The following VWA5B1 variants were observed in gnomAD, a reference collection of about 807,000 sequenced individuals.
VWA5B1 encodes von Willebrand factor A domain-containing protein 5B1.
Under a neutral mutation model 118.2 loss-of-function variants are expected in VWA5B1, and 115 were observed. The observed-to-expected ratio is 0.97, with a 90% CI of 0.84 to 1.14. The LOEUF (loss-of-function observed/expected upper bound fraction) is 1.14. Among genes scored for constraint, VWA5B1 ranks in the 50% most tolerant of loss-of-function variants. The pLI, the probability that VWA5B1 is intolerant of heterozygous loss-of-function variation, is 0.00. For missense variants in VWA5B1, 1,596 were observed against 1,603.8 expected, an observed-to-expected ratio of 1.00 and a Z score of 0.08; for synonymous variants, 682 against 658.4, an observed-to-expected ratio of 1.04 and a Z score of -0.55.
At chr1:20,332,982 G>A (rs1440219106) in intron 12 of VWA5B1, 31 bp downstream of exon 12, 2 of 1,549,414 alleles carry the variant, frequency 1.3e-6, no homozygotes, top group Non-Finnish European at 1.7e-6. Context: ...ACGGGTCCGT[G>A]TGGGCCCAGA....
chr1:20,301,016 C>G (rs1029300445), intron 1 of VWA5B1, among the ~76,000 whole-genome samples: 1 of 152,248 alleles, frequency 6.6e-6, no homozygotes, highest in Non-Finnish European at 1.5e-5. Context: ...CACAAAGCCT[C>G]TCTGTGGAGG....
intron 8 of VWA5B1, 25 bp downstream of exon 8, chr1:20,323,557 G>C (rs760281659): frequency 1.5e-6 from 2 of 1,367,876 alleles, no homozygotes; most frequent in Middle Eastern, 1.9e-4. Flanking sequence ...AACCCCTCCC[G>C]AGGACCCGGG....
chr1:20,305,114 A>G (rs1420540483), intron 1 of VWA5B1, among the ~76,000 whole-genome samples: 1 of 152,140 alleles, frequency 6.6e-6, no homozygotes, highest in Admixed American at 6.5e-5. Context: ...CAAGATAAAT[A>G]AGCAAGATAT....
At chr1:20,318,548 C>T (rs975794376) in intron 5 of VWA5B1, 42 bp from the exon 6 acceptor site, 2 of 1,549,830 alleles carry the variant, frequency 1.3e-6, no homozygotes, top group Non-Finnish European at 8.7e-7. Context: ...TCTCTCCTGA[C>T]CTCATGAGCC....
Position 20,356,555 on chromosome 1 carries a change from G to A in VWA5B1, c.*2292G>A, listed in dbSNP as rs1029061472. Among the ~76,000 whole-genome samples the A allele has an allele frequency of 2.6e-4, 40 of 152,178 alleles. No individual in the cohort carries two copies. The highest frequency in any genetic ancestry group is 9.7e-4 in the African/African-American group (40 of 41,436). The stretch of plus-strand genomic sequence containing the variant: ...AATGGCCAGGGCTTGAGGTGAACCG[G>A]TCTCTGCCAGCATAGAACTAGTGCT... On this transcript the variant is annotated 3_prime_UTR_variant, in exon 22 of 22. Coordinates refer to ENST00000289815, the MANE Select transcript of VWA5B1 (RefSeq NM_001039500.3).
rs1338575393 is a variant in VWA5B1 at position 20,304,948 on chromosome 1, A to G, written c.-26-5628A>G. Among the ~76,000 whole-genome samples, 3 of 151,914 alleles carry G rather than the reference A, an allele frequency of 2.0e-5. No individual in the cohort carries two copies. The East Asian group carries it at 5.8e-4, about 29-fold the overall frequency. On this transcript the variant is annotated intron_variant, in intron 1 of 21. Transcript: ENST00000289815. ...ATGCTGAAAATCATATATGTAAAGC[A>G]CTCAGTGGTATTTCATCCATTCAGC... is the stretch of plus-strand genomic sequence containing the variant.
chr1:20,332,995 C>A, intron 12 of VWA5B1, 44 bp downstream of exon 12: 16 of 1,539,264 alleles, frequency 1.0e-5, no homozygotes, highest in Non-Finnish European at 1.3e-5. Context: ...GGCCCAGAAC[C>A]CATGCCTACA....
Position 20,337,669 on chromosome 1 carries a change from A to T in VWA5B1, c.1966A>T (p.Arg656Trp). Residue 656 changes from arginine to tryptophan, a missense_variant, in exon 14 of 22, where the codon AGG becomes TGG. Coordinates refer to ENST00000289815, the MANE Select transcript of VWA5B1 (RefSeq NM_001039500.3). ...KHDLNLSQRR[R>W]AYSTNQITNH... ...AGATCTGAACCTCTCTCAGCGACGG[A>T]GGGCATACAGCACCAACCAGATCAC... is the stretch of plus-strand genomic sequence containing the variant. The T allele has an allele frequency of 1.3e-6, 2 of 1,551,608 alleles. No homozygotes were observed. Among genetic ancestry groups the T allele is most frequent in the Non-Finnish European group, 1.7e-6 (2 of 1,146,960 alleles).
chr1:20,337,500 T>G, intron 13 of VWA5B1, 146 bp from the exon 14 acceptor site: 1 of 897,800 alleles, frequency 1.1e-6, no homozygotes, highest in Non-Finnish European at 1.7e-6. Context: ...CCGGAGAGGC[T>G]TTGGATGCCA....
At chr1:20,328,795 T>C (rs932006121) in intron 9 of VWA5B1, among the ~76,000 whole-genome samples, 19 of 152,136 alleles carry the variant, frequency 1.2e-4, no homozygotes. Flanking sequence ...TTCCACAATG[T>C]TTAAATGTAC....
chr1:20,293,194 G>A (rs1274551591), intron 1 of VWA5B1, among the ~76,000 whole-genome samples: 1 of 152,214 alleles, frequency 6.6e-6, no homozygotes, highest in East Asian at 1.9e-4. Flanking sequence ...CTACTCACCT[G>A]GCAGCCCCTG....
At chr1:20,343,461 TC>T (rs2089933617) in intron 16 of VWA5B1, 68 bp downstream of exon 16, 3 of 1,399,434 alleles carry the variant, frequency 2.1e-6, no homozygotes, top group South Asian at 1.5e-5. Context: ...CCACAGCCGC[TC>T]CCCCTTCCCC....
chr1:20,293,502 C>T (rs1353309100), intron 1 of VWA5B1, among the ~76,000 whole-genome samples: 19 of 152,220 alleles, frequency 1.2e-4, no homozygotes, highest in Non-Finnish European at 2.8e-4. Context: ...TCTCTCAGTA[C>T]CCCGATGGTT....
intron 16 of VWA5B1, among the ~76,000 whole-genome samples, chr1:20,344,262 C>T (rs1205649734): frequency 3.3e-5 from 5 of 152,054 alleles, no homozygotes; most frequent in African/African-American, 9.7e-5. Flanking sequence ...TGCTTCTCCC[C>T]TGCAGCGGCC....
At chr1:20,308,950 C>T (rs574255240) in intron 1 of VWA5B1, among the ~76,000 whole-genome samples, 15 of 152,276 alleles carry the variant, frequency 9.9e-5, no homozygotes, top group South Asian at 2.1e-4. Flanking sequence ...GCACCTACCC[C>T]GCAGACAGGA....
chr1:20,310,606 C>A lies in VWA5B1; in HGVS notation c.5C>A (p.Pro2His). 6.5e-7 allele frequency: 1 copy of A among 1,535,798 alleles called. No individual in the cohort carries two copies. The highest frequency in any genetic ancestry group is 8.8e-7 in the Non-Finnish European group (1 of 1,140,356). The change falls in exon 2 of 22, where the codon CCC becomes CAC. Residue 2 changes from proline (P) to histidine (H), a missense_variant. Pro to His is a moderately conservative substitution (Grantham distance 77). Coordinates refer to ENST00000289815, the MANE Select transcript of VWA5B1 (RefSeq NM_001039500.3). The stretch of plus-strand genomic sequence containing the variant: ...GAAGGCTGAGTAGCCAGCGGGATGC[C>A]CGGCTTGCTGAATTGGATCACGGGG... M[P>H]GLLNWITGAA...
chr1:20,303,950 C>A (rs888205203), intron 1 of VWA5B1, among the ~76,000 whole-genome samples: 2 of 152,220 alleles, frequency 1.3e-5, no homozygotes, highest in Non-Finnish European at 2.9e-5. Flanking sequence ...AGCTTGGCCA[C>A]TTTCTGGCTG....
intron 17 of VWA5B1, 105 bp downstream of exon 17, chr1:20,345,698 G>C (rs1483964075): frequency 1.4e-6 from 2 of 1,421,006 alleles, no homozygotes; most frequent in Non-Finnish European, 9.3e-7. Context: ...AGGGAGCGGG[G>C]TGAGACAGGG....
intron 1 of VWA5B1, among the ~76,000 whole-genome samples, chr1:20,298,267 C>A (rs2088444326): frequency 6.6e-6 from 1 of 151,676 alleles, no homozygotes; most frequent in South Asian, 2.1e-4. Flanking sequence ...TTCAGCTTCC[C>A]AAATGGTAGG....
Sources: gnomAD v4.1 joint callset for allele counts (sites outside exome capture counted in the v4.1 genomes callset) on GRCh38, gnomAD v4.1.1 for gene constraint, MANE v1.5 for transcripts, NCBI Gene and HGNC (gene_info 2026-07-23, HGNC 2026-07-21) for gene names.